Variants in MRPS5 observed in about 807,000 individuals in gnomAD.
MRPS5 encodes small ribosomal subunit protein uS5m.
Under a neutral mutation model 51.9 loss-of-function variants are expected in MRPS5, and 27 were observed. The observed-to-expected ratio is 0.52, with a 90% CI of 0.38 to 0.72. The LOEUF is 0.72. Among genes scored for constraint, MRPS5 ranks in the 30% least tolerant of loss-of-function variants. The pLI, the probability that MRPS5 is intolerant of heterozygous loss-of-function variation, is 0.00. For synonymous variants in MRPS5, 196 were observed against 193.2 expected, an observed-to-expected ratio of 1.01 and a Z score of -0.12; for missense variants, 570 against 545.7, an observed-to-expected ratio of 1.04 and a Z score of -0.44.
Position 95,115,219 on chromosome 2 carries a change from T to C in MRPS5, c.140-16A>G, listed in dbSNP as rs1465162902. ...GACAAATGGCCTGTAGGCAGATGGG[T>C]TAAACTTTGAGTTAGATGTTTCACA... On this transcript the variant is annotated splice_polypyrimidine_tract_variant and intron_variant, in intron 2 of 11. Transcript: ENST00000272418. 24 of 1,566,758 alleles carry C rather than the reference T, an allele frequency of 1.5e-5. No homozygotes were observed. Among genetic ancestry groups the C allele is most frequent in the Non-Finnish European group, 2.0e-5 (23 of 1,161,340 alleles).
At chr2:95,108,483 A>C in intron 4 of MRPS5, 75 bp from the exon 5 acceptor site, 1 of 1,178,834 alleles carries the variant, frequency 8.5e-7, no homozygotes, top group Admixed American at 2.0e-5. Context: ...CAGGCAATGC[A>C]TGTACAGATA....
intron 3 of MRPS5, among the ~76,000 whole-genome samples, chr2:95,114,106 G>A (rs1235307365): frequency 3.7e-5 from 4 of 107,168 alleles, no homozygotes; most frequent in Non-Finnish European, 6.9e-5. Flanking sequence ...GTGACAAAGC[G>A]AGACTCCATC....
Position 95,121,769 on chromosome 2 carries a change from A to C in MRPS5, c.23T>G (p.Val8Gly). The C allele has an allele frequency of 6.4e-7, 1 of 1,552,916 alleles. No homozygotes were observed. The highest frequency in any genetic ancestry group is 8.6e-7 in the Non-Finnish European group (1 of 1,158,832). Residue 8 changes from valine (V) to glycine (G), a missense_variant, in exon 1 of 12, where the codon GTG becomes GGG. Physicochemically the swap from Val to Gly is moderately radical, Grantham distance 109 (BLOSUM62 -3). Coordinates refer to ENST00000272418, the MANE Select transcript of MRPS5 (RefSeq NM_031902.5). ...GCTACACAGCACGGGGAGGCAGCCC[A>C]CAGCGCGCACCGCGGTCGCCATGCT... is the stretch of plus-strand genomic sequence containing the variant. The part of the protein sequence containing the change: MATAVRA[V>G]GCLPVLCSGT...
chr2:95,105,475 G>A (rs191105697), intron 6 of MRPS5, among the ~76,000 whole-genome samples: 3 of 152,132 alleles, frequency 2.0e-5, no homozygotes, highest in East Asian at 1.9e-4. Flanking sequence ...GCGTCAACCC[G>A]GGAGGTGGAG....
chr2:95,119,316 A>G (rs1275975443), intron 1 of MRPS5, among the ~76,000 whole-genome samples: 1 of 152,212 alleles, frequency 6.6e-6, no homozygotes, highest in Admixed American at 6.5e-5. Context: ...ACCACTTCAC[A>G]TCCACTGGGC....
At chr2:95,094,035 C>T (rs1405193841) in intron 10 of MRPS5, among the ~76,000 whole-genome samples, 1 of 152,096 alleles carries the variant, frequency 6.6e-6, no homozygotes, top group Non-Finnish European at 1.5e-5. Flanking sequence ...GTAGAGAGTA[C>T]TTTAAATGAC....
chr2:95,088,972 C>T (rs1265309142), intron 11 of MRPS5, among the ~76,000 whole-genome samples: 9 of 152,158 alleles, frequency 5.9e-5, no homozygotes, highest in Non-Finnish European at 1.3e-4. Flanking sequence ...GAGGCTGAGG[C>T]AGGAGAATCG....
intron 10 of MRPS5, among the ~76,000 whole-genome samples, chr2:95,095,051 A>G (rs1054813392): frequency 6.6e-6 from 1 of 152,184 alleles, no homozygotes; most frequent in African/African-American, 2.4e-5. Context: ...AGCAAATGGA[A>G]AGCAAAAAAA....
In MRPS5 at chr2:95,086,508, C is replaced by T. The variant is rs575316588; in HGVS notation, c.*849G>A. ...CCTAAACTGAGCAACACAGAGAAAA[C>T]AGACTGGAAAAAAAATAAACAGCGC... On this transcript the variant is annotated 3_prime_UTR_variant, in exon 12 of 12. Coordinates refer to ENST00000272418, the MANE Select transcript of MRPS5 (RefSeq NM_031902.5). Among the ~76,000 whole-genome samples the T allele has an allele frequency of 6.6e-6, 1 of 151,862 alleles. No individual in the cohort carries two copies. Among genetic ancestry groups the T allele is most frequent in the African/African-American group, 2.4e-5 (1 of 41,348 alleles).
chr2:95,108,149 G>A (rs1676004257), intron 5 of MRPS5, 26 bp downstream of exon 5: 4 of 1,595,476 alleles, frequency 2.5e-6, no homozygotes, highest in Non-Finnish European at 3.4e-6. Context: ...CTGTCACAAA[G>A]GCAAACAAAA....
At chr2:95,104,567 C>T (rs1325552953) in intron 7 of MRPS5, 73 bp downstream of exon 7, 1 of 1,501,868 alleles carries the variant, frequency 6.7e-7, no homozygotes, top group Non-Finnish European at 9.3e-7. Context: ...AGCCCATGGG[C>T]TCCACAGCAT....
In MRPS5 at chr2:95,121,745, C is replaced by A. The variant is rs1254908597; in HGVS notation, c.47G>T (p.Ser16Ile). The change falls in exon 1 of 12, where the codon AGC becomes ATC. Residue 16 changes from serine (S) to isoleucine (I), a missense_variant. Physicochemically the swap from Ser to Ile is moderately radical, Grantham distance 142. Coordinates refer to ENST00000272418, the MANE Select transcript of MRPS5 (RefSeq NM_031902.5). Reference sequence around the variant, plus strand: ...GTCCCAGCTCTCACCTGCCGTCCCGCTACACAGCACGGGGAGGCAGCCCAC... The same window carrying A: ...GTCCCAGCTCTCACCTGCCGTCCCGATACACAGCACGGGGAGGCAGCCCAC... The part of the protein sequence containing the change: ...RAVGCLPVLC[S>I]GTAGHLLGRQ... The A allele has an allele frequency of 2.6e-6, 4 of 1,551,728 alleles. No homozygotes were observed. The highest frequency in any genetic ancestry group is 2.4e-5 in the East Asian group (1 of 40,876).
chr2:95,106,376 C>CCCAA, intron 6 of MRPS5, 47 bp downstream of exon 6: 4 of 1,401,544 alleles, frequency 2.9e-6, no homozygotes, highest in East Asian at 2.3e-5. Context: ...CCCACCCACC[C>CCCAA]CAACCTCTCC....
intron 11 of MRPS5, 74 bp from the exon 12 acceptor site, chr2:95,087,655 G>T: frequency 7.8e-7 from 1 of 1,289,366 alleles, no homozygotes; most frequent in Non-Finnish European, 1.1e-6. Flanking sequence ...ACTTCCACAG[G>T]CCACAACAGT....
intron 3 of MRPS5, among the ~76,000 whole-genome samples, chr2:95,111,040 T>C (rs548477204): frequency 4.5e-4 from 68 of 152,360 alleles, no homozygotes; most frequent in African/African-American, 1.6e-3. Context: ...AAAAATGTTT[T>C]AGGGTTATAA....
At chr2:95,118,106 C>G (rs1179037089) in intron 1 of MRPS5, among the ~76,000 whole-genome samples, 161 bp from the exon 2 acceptor site, 3 of 152,112 alleles carry the variant, frequency 2.0e-5, no homozygotes, top group Admixed American at 2.0e-4. Flanking sequence ...GACACCATAC[C>G]TCATCTTCTC....
intron 2 of MRPS5, among the ~76,000 whole-genome samples, chr2:95,117,556 T>C (rs1573353862): frequency 4.7e-5 from 7 of 148,986 alleles, no homozygotes; most frequent in Admixed American, 6.6e-5. Flanking sequence ...ATTGAAAATT[T>C]AACTCTTCAT....
chr2:95,095,261 C>G (rs1391025521), intron 10 of MRPS5, among the ~76,000 whole-genome samples: 3 of 152,100 alleles, frequency 2.0e-5, no homozygotes, highest in Non-Finnish European at 4.4e-5. Flanking sequence ...ACTTTGACTC[C>G]CACACAATAA....
At chr2:95,092,546 T>A (rs1251672780) in intron 10 of MRPS5, 3 of 152,230 alleles carry the variant, frequency 2.0e-5, no homozygotes, top group Non-Finnish European at 1.5e-5. Flanking sequence ...TGTCTATAAA[T>A]GTGTATGTAT....
Sources: allele counts gnomAD v4.1 joint callset (sites outside exome capture counted in the v4.1 genomes callset), GRCh38; gene constraint gnomAD v4.1.1; transcripts MANE v1.5; gene names NCBI Gene and HGNC (gene_info 2026-07-23, HGNC 2026-07-21).